ADGRL3: variants seen among roughly 807,000 people sequenced by gnomAD.
ADGRL3 encodes calcium-independent alpha-latrotoxin receptor 3.
In ADGRL3, 62 loss-of-function variants were observed where a neutral mutation model predicts 153.5. The observed-to-expected ratio is 0.40, with a 90% CI of 0.33 to 0.50. The LOEUF (loss-of-function observed/expected upper bound fraction) is 0.50, where lower values mean the gene tolerates loss of function less well. ADGRL3 is among the 20% of genes least tolerant of loss of function. ADGRL3 has a pLI of 0.47. For synonymous variants in ADGRL3, 710 were observed against 672.5 expected (o/e 1.06, Z -0.86); for missense variants, 1,641 against 1,859.4 (o/e 0.88, Z 2.16).
chr4:61,995,765 A>G (rs2099119555), intron 19 of ADGRL3, among the ~76,000 whole-genome samples: 1 of 152,150 alleles, frequency 6.6e-6, no homozygotes, highest in Admixed American at 6.5e-5. Context: ...ATGAGCAGTA[A>G]CAATGCACTT....
At chr4:61,733,836 A>G (rs1291889501) in intron 8 of ADGRL3, among the ~76,000 whole-genome samples, 1 of 152,160 alleles carries the variant, frequency 6.6e-6, no homozygotes, top group Non-Finnish European at 1.5e-5. Context: ...TTCTTTGTGT[A>G]GTGAACTGCA....
chr4:61,388,479 T>C (rs2096766104), intron 2 of ADGRL3, among the ~76,000 whole-genome samples: 1 of 152,156 alleles, frequency 6.6e-6, no homozygotes, highest in African/African-American at 2.4e-5. Context: ...TCACAGAAGT[T>C]TGGGTTAATG....
intron 1 of ADGRL3, among the ~76,000 whole-genome samples, chr4:61,302,538 T>G (rs2094612454): frequency 6.6e-6 from 1 of 152,152 alleles, no homozygotes; most frequent in Admixed American, 6.5e-5. Flanking sequence ...CTATTTAGAC[T>G]AAAATTCTTT....
chr4:61,961,331 A>G (rs533619978), intron 17 of ADGRL3, among the ~76,000 whole-genome samples: 1 of 152,324 alleles, frequency 6.6e-6, no homozygotes, highest in African/African-American at 2.4e-5. Context: ...GAGAGTATGT[A>G]GAACTATATT....
chr4:61,907,640 G>GATAT (rs148695815), intron 11 of ADGRL3, among the ~76,000 whole-genome samples: 10 of 149,326 alleles, frequency 6.7e-5, no homozygotes, highest in African/African-American at 2.0e-4. Context: ...ATATACACAT[G>GATAT]ATATATATAT....
At chr4:61,353,889 A>C (rs2096108494) in intron 1 of ADGRL3, among the ~76,000 whole-genome samples, 1 of 152,104 alleles carries the variant, frequency 6.6e-6, no homozygotes, top group African/African-American at 2.4e-5. Flanking sequence ...GAATTTTTTA[A>C]GTAATAAAAT....
chr4:62,064,631 T>A (rs1054549124), intron 25 of ADGRL3, among the ~76,000 whole-genome samples: 2 of 151,884 alleles, frequency 1.3e-5, no homozygotes, highest in African/African-American at 4.8e-5. Flanking sequence ...GGGCAATTTT[T>A]AATAAAATTT....
intron 4 of ADGRL3, among the ~76,000 whole-genome samples, chr4:61,537,559 T>C (rs2098664485): frequency 1.3e-5 from 2 of 152,156 alleles, no homozygotes; most frequent in Non-Finnish European, 2.9e-5. Flanking sequence ...TCAAAGGCTT[T>C]GTTCATTAAA....
intron 5 of ADGRL3, among the ~76,000 whole-genome samples, chr4:61,628,703 T>C (rs1457936713): frequency 3.3e-5 from 5 of 152,174 alleles, no homozygotes; most frequent in Non-Finnish European, 5.9e-5. Flanking sequence ...TCATTCTTGT[T>C]CAGGTTTTGA....
chr4:61,341,443 TGTAA>T (rs2095806068), intron 1 of ADGRL3, among the ~76,000 whole-genome samples: 1 of 151,658 alleles, frequency 6.6e-6, no homozygotes, highest in African/African-American at 2.4e-5. Context: ...CAGCAAATGC[TGTAA>T]GTGATTTATC....
chr4:62,042,661 A>C (rs1729009062), intron 24 of ADGRL3, among the ~76,000 whole-genome samples: 1 of 152,046 alleles, frequency 6.6e-6, no homozygotes, highest in Non-Finnish European at 1.5e-5. Flanking sequence ...CCTAGATAAA[A>C]TGTTACTTCC....
rs139643578 is a variant in ADGRL3, at chr4:61,789,706, G to C, written c.1400-24103G>C. 2.0e-3 allele frequency among the ~76,000 whole-genome samples: 305 copies of C among 152,150 alleles called. 2 individuals are homozygous for C. Among genetic ancestry groups the C allele is most frequent in the African/African-American group, 7.1e-3 (293 of 41,536 alleles). ...AAACAATTTTTAAGGAATGAAATAA[G>C]TCTCCATTACTAGCGAAGTGTAATT... On this transcript the variant is annotated intron_variant, in intron 8 of 26. Coordinates refer to ENST00000683033, the MANE Select transcript of ADGRL3 (RefSeq NM_001387552.1).
At chr4:61,735,607 C>T (rs1344958161) in intron 8 of ADGRL3, among the ~76,000 whole-genome samples, 2 of 152,078 alleles carry the variant, frequency 1.3e-5, no homozygotes, top group African/African-American at 4.8e-5. Context: ...TTAGTGAAAA[C>T]TTTGTTATGG....
At chr4:61,786,918 C>T (rs111292932) in intron 8 of ADGRL3, among the ~76,000 whole-genome samples, 397 of 152,130 alleles carry the variant, frequency 2.6e-3, no homozygotes, top group Middle Eastern at 0.01. Flanking sequence ...TGATTACTTA[C>T]GAGATCCTTC....
intron 1 of ADGRL3, among the ~76,000 whole-genome samples, chr4:61,276,659 T>C (rs542459876): frequency 5.4e-4 from 83 of 152,302 alleles, no homozygotes; most frequent in African/African-American, 1.8e-3. Context: ...TTCATTTTAG[T>C]CAGGTTTATT....
intron 1 of ADGRL3, among the ~76,000 whole-genome samples, chr4:61,346,637 T>C (rs2095916389): frequency 6.6e-6 from 1 of 150,764 alleles, no homozygotes; most frequent in South Asian, 2.1e-4. Flanking sequence ...TAGCCAGACA[T>C]GGTGGCTCAT....
intron 13 of ADGRL3, among the ~76,000 whole-genome samples, chr4:61,931,786 C>G (rs948808789): frequency 2.0e-5 from 3 of 151,960 alleles, no homozygotes; most frequent in Non-Finnish European, 4.4e-5. Flanking sequence ...AGAAAGCTTC[C>G]CTAAAGACTG....
chr4:61,555,367 C>T (rs1039072820), intron 4 of ADGRL3, among the ~76,000 whole-genome samples: 2 of 152,082 alleles, frequency 1.3e-5, no homozygotes, highest in African/African-American at 4.8e-5. Context: ...TATCTCCCAC[C>T]TAAAAGATAG....
rs200839054 is a variant in ADGRL3 at position 62,016,299 on chromosome 4, G to A, written c.3396-12556G>A. Among the ~76,000 whole-genome samples the A allele has an allele frequency of 4.6e-5, 7 of 151,966 alleles. No homozygotes were observed. In the East Asian group the frequency reaches 1.2e-3, roughly 25 times the overall value. On this transcript the variant is annotated intron_variant, in intron 21 of 26. Coordinates refer to ENST00000683033, the MANE Select transcript of ADGRL3 (RefSeq NM_001387552.1). ...CTTGACCTCATGATCTGCCCCCCTC[G>A]GCCTCCCAAAGTGCTGGGATTACAG...
Sources: allele counts gnomAD v4.1 joint callset (sites outside exome capture counted in the v4.1 genomes callset), GRCh38; gene constraint gnomAD v4.1.1; transcripts MANE v1.5; gene names NCBI Gene and HGNC (gene_info 2026-07-23, HGNC 2026-07-21).